The following UBE2K variants were observed in gnomAD, a reference collection of about 807,000 sequenced individuals.
UBE2K encodes the protein ubiquitin-conjugating enzyme E2 K.
A neutral mutation model predicts 30.0 loss-of-function variants in UBE2K; 6 were observed. The ratio of observed to expected loss-of-function variants is 0.20; its 90% CI spans 0.11 to 0.39. The LOEUF is 0.39. Among genes scored for constraint, UBE2K ranks in the 10% least tolerant of loss-of-function variants. The probability of loss-of-function intolerance (pLI) is 1.00; values close to 1 mark genes in which losing one functional copy is unlikely to be tolerated. For missense variants in UBE2K, 61 were observed against 241.6 expected (o/e 0.25, Z 4.96); for synonymous variants, 86 against 83.7 (o/e 1.03, Z -0.15).
chr4:39,773,277 G>A (rs1713037791), intron 4 of UBE2K, among the ~76,000 whole-genome samples: 2 of 151,324 alleles, frequency 1.3e-5, no homozygotes, highest in African/African-American at 2.4e-5. Context: ...AGACCATCCT[G>A]TGTCTCACGG....
intron 1 of UBE2K, among the ~76,000 whole-genome samples, chr4:39,702,930 T>C (rs1718118176): frequency 6.6e-6 from 1 of 152,026 alleles, no homozygotes; most frequent in South Asian, 2.1e-4. Flanking sequence ...GTCCCCACTA[T>C]CTCTTCTTGC....
chr4:39,769,213 G>GTTTTTTTTTTTTTTCTT (rs1712566882), intron 4 of UBE2K, among the ~76,000 whole-genome samples: 1 of 128,692 alleles, frequency 7.8e-6, no homozygotes. Flanking sequence ...GTTTCTTTTT[G>GTTTTTTTTTTTTTTCTT]TTTTTTTTTT....
intron 1 of UBE2K, among the ~76,000 whole-genome samples, chr4:39,719,564 C>A (rs778028079): frequency 3.3e-5 from 5 of 152,116 alleles, no homozygotes; most frequent in Non-Finnish European, 7.4e-5. Flanking sequence ...TTACTTTTAG[C>A]AAATGTGTGA....
In UBE2K at chr4:39,723,611, G is replaced by A. The variant is rs144524075; in HGVS notation, c.64-13809G>A. On this transcript the variant is annotated intron_variant, in intron 1 of 6. Coordinates refer to ENST00000261427, the MANE Select transcript of UBE2K (RefSeq NM_005339.5). ...TCTCAATCTCCTGACCTCCTGATCC[G>A]CCTGCCTCGGCCTCCGAAAGTGCTA... Among the ~76,000 whole-genome samples the A allele has an allele frequency of 5.9e-3, 892 of 151,876 alleles. 5 individuals carry two copies. The highest frequency in any genetic ancestry group is 0.02 in the African/African-American group (843 of 41,432).
intron 1 of UBE2K, among the ~76,000 whole-genome samples, chr4:39,722,777 C>G (rs1043713551): frequency 6.6e-6 from 1 of 151,062 alleles, no homozygotes; most frequent in Non-Finnish European, 1.5e-5. Context: ...ATCCAAGGAC[C>G]TGCTGTATTC....
chr4:39,744,365 G>A (rs545961024), intron 2 of UBE2K, among the ~76,000 whole-genome samples: 1 of 148,582 alleles, frequency 6.7e-6, no homozygotes, highest in African/African-American at 2.5e-5. Context: ...GTAGAGACGG[G>A]GTTTCACCAT....
At chr4:39,708,422 A>G (rs892775435) in intron 1 of UBE2K, among the ~76,000 whole-genome samples, 4 of 151,994 alleles carry the variant, frequency 2.6e-5, no homozygotes, top group African/African-American at 9.7e-5. Flanking sequence ...TATTAAAGTA[A>G]AATGTGTACG....
At chr4:39,733,775 A>C (rs1213440169) in intron 1 of UBE2K, among the ~76,000 whole-genome samples, 3 of 152,198 alleles carry the variant, frequency 2.0e-5, no homozygotes, top group Admixed American at 6.5e-5. Context: ...ACCTGAATGA[A>C]TACCACAAGT....
At position 39,779,097 on chromosome 4, in the gene UBE2K, CTG is replaced by C. The variant is rs1295359619; in HGVS notation, c.*665_*666del. On this transcript the variant is annotated 3_prime_UTR_variant, in exon 7 of 7. Coordinates refer to ENST00000261427, the MANE Select transcript of UBE2K (RefSeq NM_005339.5). The stretch of plus-strand genomic sequence containing the variant: ...GCTAATATTCTAATGGTAAATTTCT[CTG>C]TATCAGGTGGGGAAATGTGCTGAAG... The C allele has an allele frequency of 5.7e-5, 7 of 122,118 alleles. No individual in the cohort carries two copies. The highest frequency in any genetic ancestry group is 1.1e-4 in the Non-Finnish European group (7 of 62,418). The allele number at this position is 122,118 out of a possible 1,614,324, so 7.6% of individuals were successfully genotyped here.
At chr4:39,711,461 A>G (rs1718676802) in intron 1 of UBE2K, among the ~76,000 whole-genome samples, 1 of 151,684 alleles carries the variant, frequency 6.6e-6, no homozygotes, top group South Asian at 2.1e-4. Context: ...CGCGCCCGGC[A>G]GCATTATTTT....
chr4:39,716,423 A>C (rs774083461), intron 1 of UBE2K, among the ~76,000 whole-genome samples: 1 of 151,812 alleles, frequency 6.6e-6, no homozygotes. Flanking sequence ...GATTTTTTTT[A>C]CTTTTTGTGG....
rs945761565 is a variant in UBE2K at position 39,782,144 on chromosome 4, C to T, written c.*3710C>T. On this transcript the variant is annotated 3_prime_UTR_variant, in exon 7 of 7. Coordinates refer to ENST00000261427, the MANE Select transcript of UBE2K (RefSeq NM_005339.5). ...AACTTGCAATCACCTAAATGGAAGT[C>T]TTGAATGTGTCACCTTTTGCTTGGT... is the stretch of plus-strand genomic sequence containing the variant. 2.5e-6 allele frequency: 1 copy of T among 393,052 alleles called. No homozygotes were observed. Among genetic ancestry groups the T allele is most frequent in the Admixed American group, 4.4e-5 (1 of 22,600 alleles). 24.3% of individuals were successfully genotyped at this position (393,052 alleles called of 1,614,324 possible). A position where few individuals can be genotyped will look rare whatever the true frequency, so the allele number is the denominator to read the frequency against.
chr4:39,755,775 T>TTGGTATTC, intron 4 of UBE2K, 36 bp downstream of exon 4: 2 of 1,434,138 alleles, frequency 1.4e-6, no homozygotes, highest in Non-Finnish European at 1.9e-6. Context: ...CTCCTTCTCA[T>TTGGTATTC]ATGAATACCA....
intron 1 of UBE2K, among the ~76,000 whole-genome samples, chr4:39,730,810 CTTT>C (rs569251225): frequency 1.1e-5 from 1 of 89,652 alleles, no homozygotes; most frequent in Admixed American, 1.5e-4. Context: ...GCTATAGCTT[CTTT>C]TTTTTTTTTT....
At chr4:39,730,114 A>T (rs2109339513) in intron 1 of UBE2K, among the ~76,000 whole-genome samples, 1 of 152,342 alleles carries the variant, frequency 6.6e-6, no homozygotes, top group South Asian at 2.1e-4. Context: ...GTAAATATTC[A>T]TGGAATTGAT....
At chr4:39,759,239 C>G (rs370533504) in intron 4 of UBE2K, among the ~76,000 whole-genome samples, 3 of 151,714 alleles carry the variant, frequency 2.0e-5, no homozygotes, top group Non-Finnish European at 4.4e-5. Flanking sequence ...GATGATATAC[C>G]TTTATTAATA....
rs1418943232 is a variant in UBE2K at position 39,777,672 on chromosome 4, C to T, written c.400-10C>T. 6.5e-6 allele frequency: 10 copies of T among 1,535,220 alleles called. No homozygotes were observed. The highest frequency in any genetic ancestry group is 1.4e-5 in the African/African-American group (1 of 69,744). On this transcript the variant is annotated splice_polypyrimidine_tract_variant and intron_variant, in intron 5 of 6. Coordinates refer to ENST00000261427, the MANE Select transcript of UBE2K (RefSeq NM_005339.5). ...TAATGTCATGTCAATCAATTTTTCC[C>T]CCCATATAGTACAAACAAAATCCCG...
chr4:39,776,523 T>G (rs1169848921), intron 5 of UBE2K, among the ~76,000 whole-genome samples: 4 of 152,286 alleles, frequency 2.6e-5, no homozygotes, highest in Non-Finnish European at 5.9e-5. Context: ...TCTGCTTTAT[T>G]TCCTAAATTC....
intron 1 of UBE2K, among the ~76,000 whole-genome samples, chr4:39,702,564 A>T (rs28702416): frequency 2.0e-5 from 3 of 151,854 alleles, no homozygotes; most frequent in East Asian, 1.9e-4. Flanking sequence ...AACATTTTCT[A>T]GTCTCATAGG....
Sources: allele counts gnomAD v4.1 joint callset (sites outside exome capture counted in the v4.1 genomes callset), GRCh38; gene constraint gnomAD v4.1.1; transcripts MANE v1.5; gene names NCBI Gene and HGNC (gene_info 2026-07-23, HGNC 2026-07-21).